The following MAPK14 variants were observed in gnomAD, a reference collection of about 807,000 sequenced individuals.
The protein encoded by MAPK14 is CSAID-binding protein.
A neutral mutation model predicts 49.6 loss-of-function variants in MAPK14; 16 were observed. The observed-to-expected ratio is 0.32, with a 90% confidence interval of 0.22 to 0.49. The LOEUF (loss-of-function observed/expected upper bound fraction) is 0.49, where lower values mean the gene tolerates loss of function less well. Ranked by LOEUF, MAPK14 falls within the 20% of genes least tolerant of loss-of-function variation. The probability of loss-of-function intolerance (pLI) is 0.99; values close to 1 mark genes in which losing one functional copy is unlikely to be tolerated. For synonymous variants in MAPK14, 142 were observed against 158.0 expected, an observed-to-expected ratio of 0.90 and a Z score of 0.76; for missense variants, 200 against 441.2, an observed-to-expected ratio of 0.45 and a Z score of 4.90.
Position 36,030,686 on chromosome 6 carries a change from CAAAAAAA to C in MAPK14, c.116+2425_116+2431del, listed in dbSNP as rs35145056. 5.0e-3 allele frequency among the ~76,000 whole-genome samples: 587 copies of C among 118,378 alleles called. 5 individuals carry two copies. Among genetic ancestry groups the C allele is most frequent in the African/African-American group, 0.018 (553 of 30,476 alleles). 77.7% of individuals were successfully genotyped at this position (118,378 alleles called of 152,430 possible). On this transcript the variant is annotated intron_variant, in intron 1 of 11. Coordinates refer to ENST00000229794, the MANE Select transcript of MAPK14 (RefSeq NM_139012.3). The stretch of plus-strand genomic sequence containing the variant: ...TGGGCGAAAGTGCGAGACGCCGTCT[CAAAAAAA>C]AAAAAAAAAAAGATATTCAGTGAAA...
chr6:36,058,787 C>CATA, intron 2 of MAPK14, among the ~76,000 whole-genome samples: 1 of 151,824 alleles, frequency 6.6e-6, no homozygotes, highest in African/African-American at 2.4e-5. Flanking sequence ...ATAGTCCCAG[C>CATA]TACTTGGGAG....
At chr6:36,101,004 T>G in intron 9 of MAPK14, among the ~76,000 whole-genome samples, 1 of 152,232 alleles carries the variant, frequency 6.6e-6, no homozygotes, top group East Asian at 1.9e-4. Flanking sequence ...CTGTTTTCCC[T>G]TCCTCTTTTT....
chr6:36,034,897 C>CTTTTTT (rs200316205), intron 1 of MAPK14, among the ~76,000 whole-genome samples: 62 of 121,010 alleles, frequency 5.1e-4, no homozygotes, highest in African/African-American at 1.6e-3. Flanking sequence ...TTCTTTCTTT[C>CTTTTTT]TTTTTTTTTT....
At chr6:36,078,326 T>A (rs1764612916) in intron 8 of MAPK14, among the ~76,000 whole-genome samples, 1 of 152,244 alleles carries the variant, frequency 6.6e-6, no homozygotes, top group African/African-American at 2.4e-5. Context: ...TGTTCAGTAA[T>A]GGCCTTGCAA....
intron 8 of MAPK14, among the ~76,000 whole-genome samples, chr6:36,091,707 T>G: frequency 6.6e-6 from 1 of 152,232 alleles, no homozygotes; most frequent in East Asian, 1.9e-4. Flanking sequence ...ACTTCCTTCA[T>G]GCAAATGCTT....
chr6:36,095,726 C>A (rs1765419175), intron 8 of MAPK14, among the ~76,000 whole-genome samples: 1 of 152,134 alleles, frequency 6.6e-6, no homozygotes, highest in Non-Finnish European at 1.5e-5. Context: ...CTGATACATG[C>A]TGTTGACAGA....
intron 8 of MAPK14, among the ~76,000 whole-genome samples, chr6:36,094,120 A>G (rs1457957018): frequency 1.3e-5 from 2 of 152,222 alleles, no homozygotes; most frequent in East Asian, 3.8e-4. Flanking sequence ...TTTACTTGTC[A>G]ACATCTTGAA....
chr6:36,106,675 A>G (rs1765806198), intron 10 of MAPK14, among the ~76,000 whole-genome samples: 1 of 152,204 alleles, frequency 6.6e-6, no homozygotes, highest in African/African-American at 2.4e-5. Context: ...ATACAGAAAT[A>G]TAAAAATGTT....
chr6:36,052,953 G>A (rs1763460646), intron 2 of MAPK14, 125 bp downstream of exon 2: 1 of 613,668 alleles, frequency 1.6e-6, no homozygotes, highest in South Asian at 3.0e-5. Flanking sequence ...CTTGTCCTGG[G>A]GTGTTAGTGG....
intron 1 of MAPK14, among the ~76,000 whole-genome samples, chr6:36,030,171 A>T (rs1762483442): frequency 6.6e-6 from 1 of 152,130 alleles, no homozygotes; most frequent in African/African-American, 2.4e-5. Flanking sequence ...ACTCCAATTG[A>T]ATTGCTTGCA....
chr6:36,115,889 C>CT (rs1311605747), downstream of MAPK14, among the ~76,000 whole-genome samples: 1 of 147,814 alleles, frequency 6.8e-6, no homozygotes, highest in East Asian at 2.0e-4. Flanking sequence ...GATCATGCCA[C>CT]TGCACTCCAG....
chr6:36,055,499 T>A (rs913048108), intron 2 of MAPK14, among the ~76,000 whole-genome samples: 2 of 152,218 alleles, frequency 1.3e-5, no homozygotes, highest in Non-Finnish European at 2.9e-5. Context: ...AGATATTTGC[T>A]GCTTATTTGT....
chr6:36,072,630 T>TGG, intron 3 of MAPK14, among the ~76,000 whole-genome samples: 1 of 152,158 alleles, frequency 6.6e-6, no homozygotes, highest in East Asian at 1.9e-4. Flanking sequence ...CCGGGCATGG[T>TGG]GGTGGGCACC....
At chr6:36,097,408 T>C (rs851006) in intron 9 of MAPK14, 117,614 of 152,062 alleles carry the variant, frequency 0.77, 45,695 homozygotes, top group East Asian at 0.94. Flanking sequence ...TATTTTTTTC[T>C]CCTTTATGAT....
chr6:36,093,210 T>G (rs1041468952), intron 8 of MAPK14, among the ~76,000 whole-genome samples: 2 of 152,134 alleles, frequency 1.3e-5, no homozygotes, highest in East Asian at 1.9e-4. Context: ...CATTAAAGAA[T>G]AATAATTTGA....
At chr6:36,114,505 C>T (rs551008598), downstream of MAPK14, among the ~76,000 whole-genome samples, 2 of 151,918 alleles carry the variant, frequency 1.3e-5, no homozygotes, top group Admixed American at 6.6e-5. Context: ...GTAATCCCAG[C>T]TACTTGGGAG....
At chr6:36,087,917 G>C (rs1331537344) in intron 8 of MAPK14, among the ~76,000 whole-genome samples, 1 of 152,136 alleles carries the variant, frequency 6.6e-6, no homozygotes, top group South Asian at 2.1e-4. Flanking sequence ...AAAACAGCAT[G>C]GTACTAGTAC....
chr6:36,076,631 T>C, intron 8 of MAPK14, 23 bp downstream of exon 8: 2 of 1,576,162 alleles, frequency 1.3e-6, no homozygotes, highest in Non-Finnish European at 1.7e-6. Context: ...AAGTTTTGGA[T>C]TCTTGTTTCT....
At chr6:36,102,686 A>G (rs755042815) in intron 10 of MAPK14, 37 bp downstream of exon 10, 1 of 1,610,392 alleles carries the variant, frequency 6.2e-7, no homozygotes, top group Non-Finnish European at 8.5e-7. Flanking sequence ...ATGGATATTG[A>G]ATTGGTTATG....
Sources: gnomAD v4.1 joint callset for allele counts (sites outside exome capture counted in the v4.1 genomes callset) on GRCh38, gnomAD v4.1.1 for gene constraint, MANE v1.5 for transcripts, NCBI Gene and HGNC (gene_info 2026-07-23, HGNC 2026-07-21) for gene names.